SYTL5: variants seen among roughly 807,000 people sequenced by gnomAD.
SYTL5 encodes the protein synaptotagmin-like protein 5.
Under a neutral mutation model 55.9 loss-of-function variants are expected in SYTL5, and 34 were observed. The ratio of observed to expected loss-of-function variants is 0.61; its 90% CI spans 0.46 to 0.81. The LOEUF (loss-of-function observed/expected upper bound fraction) is 0.81. Ranked by LOEUF, SYTL5 falls within the 30% of genes least tolerant of loss-of-function variation. SYTL5 has a pLI of 0.00. For missense variants in SYTL5, 637 were observed against 546.7 expected (o/e 1.17, Z -1.65); for synonymous variants, 221 against 188.7 (o/e 1.17, Z -1.40).
At chrX:38,074,933 CAT>C (rs764377483) in intron 5 of SYTL5, among the ~76,000 whole-genome samples, 29 of 105,795 alleles carry the variant, frequency 2.7e-4, no homozygotes, top group African/African-American at 5.3e-4. Context: ...CACACACACA[CAT>C]GCACACACTT....
chrX:38,071,255 C>A (rs889043964), intron 3 of SYTL5, among the ~76,000 whole-genome samples: 9 of 111,528 alleles, frequency 8.1e-5, no homozygotes, highest in South Asian at 3.8e-4. Context: ...GGATTATAAG[C>A]ATTTCAGGAG....
chrX:38,122,715 C>T (rs1397451459), intron 15 of SYTL5, among the ~76,000 whole-genome samples: 2 of 111,962 alleles, frequency 1.8e-5, no homozygotes, highest in African/African-American at 3.3e-5. Context: ...CATTTGTGCC[C>T]AAGTTGTGGA....
chrX:38,024,008 GA>G (rs1303502853), intron 1 of SYTL5: 2 of 110,145 alleles, frequency 1.8e-5, no homozygotes, highest in African/African-American at 6.7e-5. Flanking sequence ...AGAGCTCTGT[GA>G]AAATTCACAG....
the SYTL5 span, among the ~76,000 whole-genome samples, chrX:37,893,639 TTA>T: frequency 1.5e-5 from 1 of 66,014 alleles, no homozygotes; most frequent in Non-Finnish European, 2.3e-5. Context: ...ATATATATAA[TTA>T]TATATAATTA....
At position 38,110,242 on chromosome X, in the gene SYTL5, T is replaced by C. The variant is rs1390116223; in HGVS notation, c.1435-79T>C. The C allele has an allele frequency of 2.2e-5, 16 of 721,015 alleles. No individual in the cohort carries two copies. The Admixed American group carries it at 5.8e-4, about 26-fold the overall frequency. 59.4% of individuals were successfully genotyped at this position (721,015 alleles called of 1,213,427 possible). A position where few individuals can be genotyped will look rare whatever the true frequency, so the allele number is the denominator to read the frequency against. On this transcript the variant is annotated intron_variant, in intron 12 of 16. Transcript: ENST00000297875. ...ACTGATGCATATGATCTGAAAGATG[T>C]TGGAAGTAAATTTCGACCTCTCCTG...
At chrX:37,981,622 T>C in the SYTL5 span, among the ~76,000 whole-genome samples, 3 of 111,648 alleles carry the variant, frequency 2.7e-5, no homozygotes, top group Non-Finnish European at 5.6e-5. Context: ...AACATTGACC[T>C]AGGTAACTAA....
intron 2 of SYTL5, among the ~76,000 whole-genome samples, chrX:38,038,555 G>A (rs1201485069): frequency 1.8e-5 from 2 of 111,982 alleles, no homozygotes; most frequent in Non-Finnish European, 3.8e-5. Context: ...TATTTTGGGG[G>A]GAGTCTAAAG....
chrX:38,108,395 C>T (rs1399146516), intron 11 of SYTL5, among the ~76,000 whole-genome samples: 1 of 111,510 alleles, frequency 9.0e-6, no homozygotes, highest in Non-Finnish European at 1.9e-5. Flanking sequence ...AACCCACACT[C>T]TTTTATCATT....
the SYTL5 span, among the ~76,000 whole-genome samples, chrX:37,977,683 G>A: frequency 2.2e-5 from 2 of 92,282 alleles, no homozygotes; most frequent in African/African-American, 4.1e-5. Flanking sequence ...ATTTGATTTC[G>A]GTATGGGGAC....
the SYTL5 span, among the ~76,000 whole-genome samples, chrX:37,966,691 C>A: frequency 7.2e-5 from 8 of 111,147 alleles, no homozygotes; most frequent in Non-Finnish European, 1.3e-4. Flanking sequence ...CTGCCTTGGC[C>A]TCTCAAAGTG....
chrX:38,040,918 A>C (rs942411286), intron 2 of SYTL5, among the ~76,000 whole-genome samples: 1 of 111,881 alleles, frequency 8.9e-6, no homozygotes, highest in Non-Finnish European at 1.9e-5. Flanking sequence ...TGGTTGTACT[A>C]ATTTACATTT....
chrX:38,078,266 G>GTTTT (rs60191930), intron 6 of SYTL5, among the ~76,000 whole-genome samples: 2 of 100,251 alleles, frequency 2.0e-5, no homozygotes, highest in African/African-American at 3.6e-5. Flanking sequence ...TTTTGTTTTT[G>GTTTT]TTTTTTTTTT....
At chrX:37,971,046 G>A in the SYTL5 span, among the ~76,000 whole-genome samples, 4 of 112,030 alleles carry the variant, frequency 3.6e-5, no homozygotes, top group African/African-American at 1.3e-4. Flanking sequence ...GCTTGAAAAA[G>A]CATTTGACTA....
At chrX:38,054,606 GTA>G (rs1183146891) in intron 3 of SYTL5, among the ~76,000 whole-genome samples, 184 bp downstream of exon 3, 3 of 69,859 alleles carry the variant, frequency 4.3e-5, no homozygotes, top group African/African-American at 1.4e-4. Flanking sequence ...GTGTGTGTGT[GTA>G]TGTGAGAGAG....
chrX:38,090,325 A>G (rs925880644), intron 7 of SYTL5, among the ~76,000 whole-genome samples: 2 of 111,868 alleles, frequency 1.8e-5, no homozygotes, highest in African/African-American at 6.5e-5. Context: ...TCTTTTCTAT[A>G]CATCTGTTAA....
At chrX:37,893,354 C>A in the SYTL5 span, among the ~76,000 whole-genome samples, 1 of 97,744 alleles carries the variant, frequency 1.0e-5, no homozygotes, top group African/African-American at 3.7e-5. Context: ...GTATATATAA[C>A]ATACTACACT....
intron 1 of SYTL5, among the ~76,000 whole-genome samples, chrX:38,015,327 C>T (rs1049561529): frequency 8.9e-6 from 1 of 112,454 alleles, no homozygotes; most frequent in African/African-American, 3.2e-5. Flanking sequence ...CACCATTTCA[C>T]ATGAAAAAGT....
chrX:38,051,334 TAA>T (rs113690863), intron 2 of SYTL5, among the ~76,000 whole-genome samples: 9,473 of 110,544 alleles, frequency 0.086, 850 homozygotes, highest in African/African-American at 0.26. Flanking sequence ...AGAAATATTT[TAA>T]AAGAGTATTG....
chrX:37,960,273 GA>G, the SYTL5 span, among the ~76,000 whole-genome samples: 2 of 112,198 alleles, frequency 1.8e-5, no homozygotes, highest in African/African-American at 6.5e-5. Context: ...TTCCTGTGCT[GA>G]AAATGCTCTT....
Sources: gnomAD v4.1 joint callset for allele counts (sites outside exome capture counted in the v4.1 genomes callset) on GRCh38, gnomAD v4.1.1 for gene constraint, MANE v1.5 for transcripts, NCBI Gene and HGNC (gene_info 2026-07-23, HGNC 2026-07-21) for gene names.